Variants in PTPN2 observed in about 807,000 individuals in gnomAD.
PTPN2 encodes the protein protein tyrosine phosphatase non-receptor type 2, also known as tyrosine-protein phosphatase non-receptor type 2.
In PTPN2, 19 loss-of-function variants were observed where a neutral mutation model predicts 57.3. The ratio of observed to expected loss-of-function variants is 0.33; its 90% CI spans 0.23 to 0.49. PTPN2 has a LOEUF of 0.49. Among genes scored for constraint, PTPN2 ranks in the 20% least tolerant of loss-of-function variants. The probability of loss-of-function intolerance (pLI) is 0.99; values close to 1 mark genes in which losing one functional copy is unlikely to be tolerated. For synonymous variants in PTPN2, 153 were observed against 164.9 expected, an observed-to-expected ratio of 0.93 and a Z score of 0.55; for missense variants, 358 against 501.1, an observed-to-expected ratio of 0.71 and a Z score of 2.73.
intron 5 of PTPN2, among the ~76,000 whole-genome samples, chr18:12,820,653 T>C (rs2042239908): frequency 6.6e-6 from 1 of 152,230 alleles, no homozygotes; most frequent in South Asian, 2.1e-4. Context: ...ACTTCTCCTC[T>C]GGTCCCCAGC....
intron 6 of PTPN2, among the ~76,000 whole-genome samples, chr18:12,815,201 C>T (rs1047340097): frequency 6.6e-6 from 1 of 151,782 alleles, no homozygotes; most frequent in Admixed American, 6.6e-5. Flanking sequence ...ATTATGAGGT[C>T]AAGAGATTGA....
chr18:12,880,263 AC>A (rs1440470203), intron 1 of PTPN2, among the ~76,000 whole-genome samples: 9 of 152,294 alleles, frequency 5.9e-5, no homozygotes, highest in African/African-American at 1.7e-4. Context: ...AGAATACAAC[AC>A]AGTGGAAAAG....
intron 3 of PTPN2, among the ~76,000 whole-genome samples, chr18:12,834,836 T>G (rs1205144632): frequency 6.6e-6 from 1 of 152,204 alleles, no homozygotes; most frequent in East Asian, 1.9e-4. Flanking sequence ...GAAAGGGTTG[T>G]GATAAGGGAT....
chr18:12,850,128 CTTTT>C (rs911438235), intron 2 of PTPN2, among the ~76,000 whole-genome samples: 3 of 151,336 alleles, frequency 2.0e-5, no homozygotes, highest in Admixed American at 6.6e-5. Flanking sequence ...CTTCTTTCTG[CTTTT>C]TTTTTCTCAT....
rs2041038583 is a variant in PTPN2, at chr18:12,793,293, T to G, written c.*985A>C. The G allele has an allele frequency of 1.0e-6, 1 of 972,072 alleles. No homozygotes were observed. Among genetic ancestry groups the G allele is most frequent in the South Asian group, 4.8e-5 (1 of 20,996 alleles). 60.2% of individuals were successfully genotyped at this position (972,072 alleles called of 1,614,324 possible). A position where few individuals can be genotyped will look rare whatever the true frequency, so the allele number is the denominator to read the frequency against. On this transcript the variant is annotated 3_prime_UTR_variant, in exon 9 of 9. Transcript: ENST00000309660. ...ACTATTTATTGAAGTAGAAAGAAACTGAAAAGTGTTTACTTCAAAACTTCA... is the reference window on the plus strand; with the variant it reads ...ACTATTTATTGAAGTAGAAAGAAACGGAAAAGTGTTTACTTCAAAACTTCA...
At chr18:12,859,097 T>C in intron 2 of PTPN2, 67 bp downstream of exon 2, 1 of 1,240,796 alleles carries the variant, frequency 8.1e-7, no homozygotes, top group South Asian at 1.3e-5. Flanking sequence ...AGCCCTCCTT[T>C]TCACTACATC....
Position 12,794,431 on chromosome 18 carries a change from C to T in PTPN2, c.1095G>A (p.Val365=), listed in dbSNP as rs763804772. 7 of 1,614,118 alleles carry T rather than the reference C, an allele frequency of 4.3e-6. No homozygotes were observed. The highest frequency in any genetic ancestry group is 2.2e-5 in the South Asian group (2 of 91,080). The change falls in exon 9 of 9, where the codon GTG becomes GTA. Residue 365 remains valine (V), a synonymous_variant. Transcript: ENST00000309660. ...EDRKATTAQK[V]QQMKQRLNEN... Reference sequence around the variant, plus strand: ...CATTTAGCCTCTGTTTCATCTGCTGCACCTTCTGAGCTGTGGTGGCCTTTC... The same window carrying T: ...CATTTAGCCTCTGTTTCATCTGCTGTACCTTCTGAGCTGTGGTGGCCTTTC...
chr18:12,865,063 C>G (rs1193992014), intron 1 of PTPN2, among the ~76,000 whole-genome samples: 4 of 152,118 alleles, frequency 2.6e-5, no homozygotes, highest in African/African-American at 9.7e-5. Flanking sequence ...TTGCAACAAG[C>G]CTTTCAAGAG....
chr18:12,807,586 A>ATATATATATATATATAT (rs1555660749), intron 7 of PTPN2, among the ~76,000 whole-genome samples: 2 of 35,200 alleles, frequency 5.7e-5, no homozygotes, highest in South Asian at 2.5e-3. Flanking sequence ...AAAAAAAAAA[A>ATATATATATATATATAT]ATATATATAT....
chr18:12,814,631 C>G (rs1372587994), intron 6 of PTPN2, among the ~76,000 whole-genome samples: 3 of 152,132 alleles, frequency 2.0e-5, no homozygotes, highest in African/African-American at 7.2e-5. Flanking sequence ...TTCCTTCTGG[C>G]CAGTCATTGG....
chr18:12,859,055 A>T, intron 2 of PTPN2, 109 bp downstream of exon 2: 1 of 694,436 alleles, frequency 1.4e-6, no homozygotes, highest in Non-Finnish European at 2.3e-6. Context: ...TAAATAGGAA[A>T]AAAATTACTG....
At position 12,793,605 on chromosome 18, in the gene PTPN2, G is replaced by A. The variant is rs2041051743; in HGVS notation, c.*673C>T. ...AAACATAAAAGAAATGCAATATATA[G>A]TAGAAATTGCTTATTCCAACTTCTA... On this transcript the variant is annotated 3_prime_UTR_variant, in exon 9 of 9. Coordinates refer to ENST00000309660, the MANE Select transcript of PTPN2 (RefSeq NM_002828.4). 1 of 976,648 alleles carries A rather than the reference G, an allele frequency of 1.0e-6. No homozygotes were observed. Among genetic ancestry groups the A allele is most frequent in the Non-Finnish European group, 1.2e-6 (1 of 821,638 alleles). The allele number at this position is 976,648 out of a possible 1,614,324, so 60.5% of individuals were successfully genotyped here.
intron 5 of PTPN2, among the ~76,000 whole-genome samples, chr18:12,822,163 G>T (rs115424593): frequency 1.3e-5 from 1 of 76,372 alleles, no homozygotes; most frequent in African/African-American, 5.2e-5. Context: ...TACTAAGGAC[G>T]TGCAGAGAAG....
chr18:12,811,036 C>G (rs1368984194), intron 7 of PTPN2, among the ~76,000 whole-genome samples: 1 of 152,200 alleles, frequency 6.6e-6, no homozygotes, highest in African/African-American at 2.4e-5. Flanking sequence ...ATGCCATATT[C>G]TAACACTTCA....
chr18:12,797,238 C>T (rs1361855592), intron 8 of PTPN2, among the ~76,000 whole-genome samples: 1 of 152,054 alleles, frequency 6.6e-6, no homozygotes, highest in Non-Finnish European at 1.5e-5. Context: ...GTATCGTTAA[C>T]AAGGTTCCAA....
chr18:12,840,893 A>AT, intron 2 of PTPN2: 1 of 1,556,890 alleles, frequency 6.4e-7, no homozygotes, highest in Admixed American at 1.9e-5. Flanking sequence ...AGTCCATGAC[A>AT]TATCTTCTCT....
intron 7 of PTPN2, among the ~76,000 whole-genome samples, chr18:12,811,677 T>C (rs894432716): frequency 2.0e-5 from 3 of 152,140 alleles, no homozygotes; most frequent in African/African-American, 7.2e-5. Flanking sequence ...TTCAGCAAAC[T>C]CACTCGTCTC....
In PTPN2 at chr18:12,859,244, T is replaced by A. The variant is rs950185463; in HGVS notation, c.80A>T (p.Asn27Ile). Residue 27 changes from asparagine to isoleucine, a missense_variant, in exon 2 of 9, where the codon AAT becomes ATT. Physicochemically the swap from Asn to Ile is moderately radical, Grantham distance 149 (BLOSUM62 -3). This residue lies in a region of PTPN2 where 62 missense variants were observed against 47.9 expected (regional missense o/e 1.29). Coordinates refer to ENST00000309660, the MANE Select transcript of PTPN2 (RefSeq NM_002828.4). The part of the protein sequence containing the change: ...RWQPLYLEIR[N>I]ESHDYPHRVA... ...TCTATGAGGATAGTCATGGGACTCATTTCGAATTTCCTTAAAATAACAAAA... is the reference window on the plus strand; with the variant it reads ...TCTATGAGGATAGTCATGGGACTCAATTCGAATTTCCTTAAAATAACAAAA... The A allele has an allele frequency of 6.2e-7, 1 of 1,609,232 alleles. No individual in the cohort carries two copies. Among genetic ancestry groups the A allele is most frequent in the Non-Finnish European group, 8.5e-7 (1 of 1,177,312 alleles).
In PTPN2 at chr18:12,859,749, C is replaced by T. The variant is rs369033102; in HGVS notation, c.70-495G>A. Among the ~76,000 whole-genome samples, 5 of 152,164 alleles carry T rather than the reference C, an allele frequency of 3.3e-5. No individual in the cohort carries two copies. The East Asian group carries it at 9.6e-4, about 29-fold the overall frequency. ...GAAAATATTTATTTCTTCATGTTCA[C>T]GCTATTTAACTGTTACTTTATTTTG... is the stretch of plus-strand genomic sequence containing the variant. On this transcript the variant is annotated intron_variant, in intron 1 of 8. Transcript: ENST00000309660.
Sources: gnomAD v4.1 joint callset for allele counts (sites outside exome capture counted in the v4.1 genomes callset) on GRCh38, gnomAD v4.1.1 for gene constraint, gnomAD v4.1.1 regional missense constraint, MANE v1.5 for transcripts, NCBI Gene and HGNC (gene_info 2026-07-23, HGNC 2026-07-21) for gene names.